LRRC49: variants seen among roughly 807,000 people sequenced by gnomAD.
LRRC49 encodes leucine rich repeat containing 49, also known as leucine-rich repeat-containing protein 49.
LRRC49 carries 50 observed loss-of-function variants against 83.3 expected under a neutral mutation model. The observed-to-expected ratio is 0.60, with a 90% CI of 0.48 to 0.76. The LOEUF is 0.76. LRRC49 is among the 30% of genes least tolerant of loss of function. LRRC49 has a pLI of 0.00. For synonymous variants in LRRC49, 286 were observed against 283.3 expected, an observed-to-expected ratio of 1.01 and a Z score of -0.10; for missense variants, 704 against 809.1, an observed-to-expected ratio of 0.87 and a Z score of 1.58.
chr15:70,931,984 T>C (rs1247932744), intron 7 of LRRC49, among the ~76,000 whole-genome samples: 1 of 152,178 alleles, frequency 6.6e-6, no homozygotes, highest in Non-Finnish European at 1.5e-5. Context: ...TCCTCAAAGC[T>C]GTTAAATCTA....
At chr15:70,900,763 A>G (rs2141107118) in intron 3 of LRRC49, among the ~76,000 whole-genome samples, 159 bp from the exon 4 acceptor site, 1 of 152,326 alleles carries the variant, frequency 6.6e-6, no homozygotes, top group Non-Finnish European at 1.5e-5. Flanking sequence ...AAAGAAACAA[A>G]TTCAGCTTAG....
intron 6 of LRRC49, among the ~76,000 whole-genome samples, chr15:70,915,724 TAC>T (rs1464638105): frequency 6.6e-6 from 1 of 152,236 alleles, no homozygotes; most frequent in East Asian, 1.9e-4. Context: ...CATGTCTTAT[TAC>T]ACAGTTTTAT....
chr15:70,855,703 G>A (rs2032639410), intron 1 of LRRC49, among the ~76,000 whole-genome samples: 1 of 152,186 alleles, frequency 6.6e-6, no homozygotes, highest in Non-Finnish European at 1.5e-5. Context: ...TCGGACCTCT[G>A]TTTTGATAGA....
chr15:71,041,628 GA>G (rs1278208880), intron 15 of LRRC49, among the ~76,000 whole-genome samples: 1 of 152,006 alleles, frequency 6.6e-6, no homozygotes, highest in East Asian at 1.9e-4. Context: ...TATACAAATG[GA>G]AAAACATGCC....
At chr15:70,922,030 TG>T (rs1444897321) in intron 7 of LRRC49, among the ~76,000 whole-genome samples, 1 of 152,148 alleles carries the variant, frequency 6.6e-6, no homozygotes, top group Admixed American at 6.5e-5. Context: ...CAATAACAAA[TG>T]CTGGCAGGAA....
At chr15:70,865,877 C>T (rs1305994057) in intron 1 of LRRC49, among the ~76,000 whole-genome samples, 2 of 152,104 alleles carry the variant, frequency 1.3e-5, no homozygotes, top group African/African-American at 2.4e-5. Context: ...TGAATGGTTG[C>T]AAGGCATAGA....
chr15:70,862,086 A>G (rs941813314), intron 1 of LRRC49, among the ~76,000 whole-genome samples: 1 of 152,318 alleles, frequency 6.6e-6, no homozygotes, highest in Middle Eastern at 3.4e-3. Context: ...AAGAATTTAC[A>G]CAAAGCTGGA....
chr15:70,965,577 A>G lies in LRRC49; in HGVS notation c.921+1645A>G, dbSNP rs184259165. Reference sequence around the variant, plus strand: ...TTTTGTAGAATGACCCTCAATTCAGATTTTTTGATGTTTCCTCATGATTAA... The same window carrying G: ...TTTTGTAGAATGACCCTCAATTCAGGTTTTTTGATGTTTCCTCATGATTAA... On this transcript the variant is annotated intron_variant, in intron 9 of 15. Coordinates refer to ENST00000260382, the MANE Select transcript of LRRC49 (RefSeq NM_017691.5). Among the ~76,000 whole-genome samples, 254 of 152,108 alleles carry G rather than the reference A, an allele frequency of 1.7e-3. 1 individual carries two copies. Among genetic ancestry groups the G allele is most frequent in the African/African-American group, 5.7e-3 (237 of 41,524 alleles).
intron 8 of LRRC49, among the ~76,000 whole-genome samples, chr15:70,959,627 A>G (rs953988277): frequency 1.3e-5 from 2 of 151,746 alleles, no homozygotes; most frequent in Non-Finnish European, 2.9e-5. Context: ...TCAAAATCCC[A>G]TAGGTTATTT....
intron 2 of LRRC49, among the ~76,000 whole-genome samples, chr15:70,895,025 A>AT (rs1023061358): frequency 1.6e-4 from 24 of 152,088 alleles, no homozygotes; most frequent in Non-Finnish European, 2.8e-4. Flanking sequence ...TCATCTAAAT[A>AT]TTTTTTCCAA....
chr15:70,984,267 G>A lies in LRRC49; in HGVS notation c.1169+10G>A. 1 of 1,582,158 alleles carries A rather than the reference G, an allele frequency of 6.3e-7. No homozygotes were observed. The highest frequency in any genetic ancestry group is 8.6e-7 in the Non-Finnish European group (1 of 1,164,554). ...TCCCAGAGGAAACAGGGTATGCAAT[G>A]GTATTTTTTCAAGATACAAGCATCT... is the stretch of plus-strand genomic sequence containing the variant. On this transcript the variant is annotated intron_variant, in intron 11 of 15. Transcript: ENST00000260382.
intron 8 of LRRC49, among the ~76,000 whole-genome samples, chr15:70,963,554 G>A (rs927904521): frequency 1.3e-5 from 2 of 151,972 alleles, no homozygotes; most frequent in African/African-American, 4.8e-5. Context: ...TAAAATACAG[G>A]CTTTAGCTAC....
At chr15:71,010,104 TG>T (rs756098647) in intron 13 of LRRC49, 112 bp downstream of exon 13, 1 of 599,572 alleles carries the variant, frequency 1.7e-6, no homozygotes, top group Non-Finnish European at 2.6e-6. Flanking sequence ...TGAGATATAA[TG>T]GTTTTTTTTA....
chr15:70,864,514 T>C (rs1206833851), intron 1 of LRRC49, among the ~76,000 whole-genome samples: 1 of 152,184 alleles, frequency 6.6e-6, no homozygotes. Context: ...TCATCTCATG[T>C]CCATCTTGCC....
At chr15:70,969,434 T>C (rs1266100777) in intron 9 of LRRC49, among the ~76,000 whole-genome samples, 1 of 152,182 alleles carries the variant, frequency 6.6e-6, no homozygotes, top group African/African-American at 2.4e-5. Context: ...CCAGCTTTGT[T>C]CATTTTCTTA....
At chr15:70,985,650 A>G (rs2037583246) in intron 11 of LRRC49, among the ~76,000 whole-genome samples, 1 of 151,962 alleles carries the variant, frequency 6.6e-6, no homozygotes, top group Non-Finnish European at 1.5e-5. Flanking sequence ...CCCATTTGTC[A>G]ATTTTGGCTT....
intron 2 of LRRC49, among the ~76,000 whole-genome samples, chr15:70,875,898 T>C (rs2033143167): frequency 1.3e-5 from 2 of 152,268 alleles, no homozygotes; most frequent in Admixed American, 1.3e-4. Context: ...ATCATGATTC[T>C]TGGTACATAA....
chr15:70,937,310 G>A (rs570252997), intron 8 of LRRC49, among the ~76,000 whole-genome samples: 1 of 152,276 alleles, frequency 6.6e-6, no homozygotes, highest in South Asian at 2.1e-4. Flanking sequence ...CAGTGGATTA[G>A]AATATAGAAA....
intron 7 of LRRC49, among the ~76,000 whole-genome samples, chr15:70,921,659 C>A (rs922803217): frequency 2.0e-5 from 3 of 152,212 alleles, no homozygotes; most frequent in Non-Finnish European, 4.4e-5. Flanking sequence ...TTCTGAGCTG[C>A]AGTTCTCTCT....
Sources: gnomAD v4.1 joint callset for allele counts (sites outside exome capture counted in the v4.1 genomes callset) on GRCh38, gnomAD v4.1.1 for gene constraint, MANE v1.5 for transcripts, NCBI Gene and HGNC (gene_info 2026-07-23, HGNC 2026-07-21) for gene names.